The following DIAPH3 variants were observed in gnomAD, a reference collection of about 807,000 sequenced individuals.
The protein encoded by DIAPH3 is diaphanous related formin 3.
In DIAPH3, 117 loss-of-function variants were observed where a neutral mutation model predicts 144.3. That is an observed-to-expected ratio of 0.81 (90% CI 0.70 to 0.95). The LOEUF (loss-of-function observed/expected upper bound fraction) is 0.95. DIAPH3 is among the 40% of genes least tolerant of loss of function. The pLI, the probability that DIAPH3 is intolerant of heterozygous loss-of-function variation, is 0.00. For missense variants in DIAPH3, 1,421 were observed against 1,412.7 expected, an observed-to-expected ratio of 1.01 and a Z score of -0.09; for synonymous variants, 519 against 488.9, an observed-to-expected ratio of 1.06 and a Z score of -0.81.
intron 24 of DIAPH3, among the ~76,000 whole-genome samples, chr13:59,812,620 AT>A (rs1473856779): frequency 1.3e-5 from 2 of 152,296 alleles, no homozygotes; most frequent in African/African-American, 4.8e-5. Context: ...TGAATCTTAA[AT>A]GTCAAGGAGC....
At chr13:60,151,993 A>G (rs1287365341) in intron 1 of DIAPH3, among the ~76,000 whole-genome samples, 1 of 152,218 alleles carries the variant, frequency 6.6e-6, no homozygotes, top group African/African-American at 2.4e-5. Context: ...TCTATAGTAA[A>G]GTCCATAATT....
intron 17 of DIAPH3, among the ~76,000 whole-genome samples, chr13:59,946,849 C>A (rs936663319): frequency 6.6e-6 from 1 of 151,896 alleles, no homozygotes; most frequent in Non-Finnish European, 1.5e-5. Flanking sequence ...AAATCTGGTA[C>A]GATAAGGGAA....
At chr13:59,965,877 CAATA>C (rs2050019482) in intron 17 of DIAPH3, among the ~76,000 whole-genome samples, 1 of 151,874 alleles carries the variant, frequency 6.6e-6, no homozygotes, top group South Asian at 2.1e-4. Flanking sequence ...AATATGCACC[CAATA>C]AATAGTTATT....
At chr13:59,924,078 T>C (rs994390817) in intron 18 of DIAPH3, among the ~76,000 whole-genome samples, 2 of 152,174 alleles carry the variant, frequency 1.3e-5, no homozygotes, top group African/African-American at 4.8e-5. Context: ...CATATCCCTC[T>C]TGCACCATCA....
Position 59,916,177 on chromosome 13 carries a change from C to T in DIAPH3, c.2243G>A (p.Arg748Gln), listed in dbSNP as rs568024243. 39 of 1,612,810 alleles carry T rather than the reference C, an allele frequency of 2.4e-5. No homozygotes were observed. The highest frequency in any genetic ancestry group is 3.3e-5 in the South Asian group (3 of 91,050). ...RMMILEVDET[R>Q]LAESMIQNLI... is the part of the protein sequence containing the mutation. ...TACCTGAATCATAGACTCTGCCAACCGTGTTTCATCTACTTCCAATATCAT... is the reference window on the plus strand; with the variant it reads ...TACCTGAATCATAGACTCTGCCAACTGTGTTTCATCTACTTCCAATATCAT... Residue 748 changes from arginine to glutamine, a missense_variant, in exon 19 of 28, where the codon CGG becomes CAG. By Grantham distance (43) the Arg-to-Gln change is conservative. Transcript: ENST00000400324.
intron 27 of DIAPH3, among the ~76,000 whole-genome samples, chr13:59,688,650 T>C (rs1314975214): frequency 3.3e-5 from 5 of 152,072 alleles, no homozygotes; most frequent in Non-Finnish European, 5.9e-5. Flanking sequence ...ATAAATACAA[T>C]AGAATTTTGG....
chr13:59,798,544 G>A (rs1010245976), intron 25 of DIAPH3, among the ~76,000 whole-genome samples: 6 of 152,166 alleles, frequency 3.9e-5, no homozygotes. Context: ...ATTTCACTGT[G>A]TTCATTTGGT....
rs1370733521 is a variant in DIAPH3, at chr13:59,666,804, T to C, written c.3362A>G (p.Tyr1121Cys). 2 of 1,614,142 alleles carry C rather than the reference T, an allele frequency of 1.2e-6. No individual in the cohort carries two copies. The highest frequency in any genetic ancestry group is 1.7e-6 in the Non-Finnish European group (2 of 1,179,992). Residue 1121 changes from tyrosine to cysteine, a missense_variant, in exon 28 of 28, where the codon TAC (tyrosine) becomes TGC (cysteine). Tyr to Cys is a radical substitution (Grantham distance 194, BLOSUM62 -2). Coordinates refer to ENST00000400324, the MANE Select transcript of DIAPH3 (RefSeq NM_001042517.2). ...CCTTGTTGAGTTGCAATTGATATTG[T>C]AGTGTGAACGTGACCCTTCTGTCAA... ...VQLTEGSRSH[Y>C]NINCNSTRTP...
intron 4 of DIAPH3, among the ~76,000 whole-genome samples, chr13:60,085,667 A>C (rs1265392986): frequency 6.6e-6 from 1 of 152,094 alleles, no homozygotes; most frequent in Non-Finnish European, 1.5e-5. Context: ...CCCTTTGTTC[A>C]CTGAAAGACA....
intron 24 of DIAPH3, among the ~76,000 whole-genome samples, chr13:59,823,217 A>T (rs1441838395): frequency 6.6e-6 from 1 of 152,222 alleles, no homozygotes; most frequent in Non-Finnish European, 1.5e-5. Context: ...CCAAGAAAGA[A>T]AAGTAAGCCA....
intron 4 of DIAPH3, among the ~76,000 whole-genome samples, chr13:60,090,381 T>A (rs2057891027): frequency 6.6e-6 from 1 of 152,086 alleles, no homozygotes; most frequent in Admixed American, 6.5e-5. Flanking sequence ...CTTTTTTTTT[T>A]AATTCTAAAA....
intron 24 of DIAPH3, among the ~76,000 whole-genome samples, chr13:59,827,951 T>A (rs1318082122): frequency 6.6e-6 from 1 of 152,052 alleles, no homozygotes; most frequent in African/African-American, 2.4e-5. Context: ...TGTAGAAGCA[T>A]GATATCATTT....
chr13:60,085,287 T>A (rs537485787), intron 4 of DIAPH3, among the ~76,000 whole-genome samples: 20 of 152,108 alleles, frequency 1.3e-4, no homozygotes, highest in Non-Finnish European at 2.2e-4. Flanking sequence ...ATGTTATGCA[T>A]ATGGCAAACT....
chr13:60,059,821 T>C (rs1286073429), intron 4 of DIAPH3, among the ~76,000 whole-genome samples: 1 of 152,028 alleles, frequency 6.6e-6, no homozygotes, highest in African/African-American at 2.4e-5. Context: ...ATATTCTTAG[T>C]CATTGGTTCA....
At chr13:59,861,005 C>T (rs2043545662) in intron 22 of DIAPH3, among the ~76,000 whole-genome samples, 2 of 151,956 alleles carry the variant, frequency 1.3e-5, no homozygotes, top group Non-Finnish European at 2.9e-5. Flanking sequence ...AGATTTGGTA[C>T]TCAGGTAAGT....
At chr13:59,965,636 TAAAC>T (rs777609098) in intron 17 of DIAPH3, among the ~76,000 whole-genome samples, 2 of 151,996 alleles carry the variant, frequency 1.3e-5, no homozygotes, top group East Asian at 1.9e-4. Context: ...GAGAGATAGA[TAAAC>T]AATCTTTTTT....
At chr13:59,714,486 G>C (rs2034949209) in intron 27 of DIAPH3, among the ~76,000 whole-genome samples, 1 of 152,110 alleles carries the variant, frequency 6.6e-6, no homozygotes, top group African/African-American at 2.4e-5. Flanking sequence ...AATGGGCTAT[G>C]AACACACCAC....
rs575799853 is a variant in DIAPH3, at chr13:59,860,420, G to T, written c.2737+987C>A. Among the ~76,000 whole-genome samples the T allele has an allele frequency of 1.2e-3, 189 of 152,252 alleles. 1 individual carries two copies. The South Asian group carries it at 0.039, about 31-fold the overall frequency. ...AATTGGTTGTTTGACACCAAGTAAA[G>T]TTGAAAGAATCAATGTGAAATATAA... On this transcript the variant is annotated intron_variant, in intron 22 of 27. Coordinates refer to ENST00000400324, the MANE Select transcript of DIAPH3 (RefSeq NM_001042517.2).
intron 27 of DIAPH3, among the ~76,000 whole-genome samples, chr13:59,738,056 A>G (rs2036250140): frequency 6.6e-6 from 1 of 152,114 alleles, no homozygotes; most frequent in Non-Finnish European, 1.5e-5. Context: ...AATCCTAGCT[A>G]CTTGAGAGGC....
Sources: gnomAD v4.1 joint callset for allele counts (sites outside exome capture counted in the v4.1 genomes callset) on GRCh38, gnomAD v4.1.1 for gene constraint, MANE v1.5 for transcripts, NCBI Gene and HGNC (gene_info 2026-07-23, HGNC 2026-07-21) for gene names.